LRRC4C: variants seen among roughly 807,000 people sequenced by gnomAD.
LRRC4C encodes leucine rich repeat containing 4C, also known as leucine-rich repeat-containing protein 4C.
LRRC4C carries 5 observed loss-of-function variants against 33.6 expected under a neutral mutation model. The observed-to-expected ratio is 0.15, with a 90% CI of 0.08 to 0.31. LRRC4C has a LOEUF of 0.31. LRRC4C is among the 10% of genes least tolerant of loss of function. The pLI is 1.00. For synonymous variants in LRRC4C, 329 were observed against 302.0 expected (o/e 1.09, Z -0.93); for missense variants, 560 against 796.7 (o/e 0.70, Z 3.58).
intron 1 of LRRC4C, among the ~76,000 whole-genome samples, chr11:41,428,883 A>T (rs1165182615): frequency 2.0e-5 from 3 of 152,182 alleles, no homozygotes; most frequent in African/African-American, 7.2e-5. Flanking sequence ...TATGTGACTA[A>T]GCAAAGATCA....
chr11:41,357,752 AG>A (rs1318069468), intron 1 of LRRC4C, among the ~76,000 whole-genome samples: 1 of 152,152 alleles, frequency 6.6e-6, no homozygotes, highest in East Asian at 1.9e-4. Flanking sequence ...ATAACTTTAT[AG>A]TTATTCCAAT....
intron 5 of LRRC4C, among the ~76,000 whole-genome samples, chr11:40,213,006 A>T (rs1475310059): frequency 6.6e-6 from 1 of 152,168 alleles, no homozygotes; most frequent in Non-Finnish European, 1.5e-5. Flanking sequence ...GTATAGGCCA[A>T]ACATCTCAGA....
chr11:40,891,198 C>T (rs914693439), intron 2 of LRRC4C, among the ~76,000 whole-genome samples: 13 of 152,050 alleles, frequency 8.5e-5, no homozygotes, highest in African/African-American at 2.9e-4. Context: ...GATCGCGCCC[C>T]TGCACTCCAG....
chr11:40,830,609 A>G (rs1184946955), intron 2 of LRRC4C, among the ~76,000 whole-genome samples: 1 of 152,108 alleles, frequency 6.6e-6, no homozygotes, highest in African/African-American at 2.4e-5. Flanking sequence ...AAAATAAAGG[A>G]GAGGCATGTT....
chr11:41,403,123 A>C (rs1423640845), intron 1 of LRRC4C, among the ~76,000 whole-genome samples: 2 of 152,092 alleles, frequency 1.3e-5, no homozygotes, highest in Non-Finnish European at 2.9e-5. Context: ...CACTTAAGCC[A>C]GATAATTGAG....
intron 3 of LRRC4C, among the ~76,000 whole-genome samples, chr11:40,485,172 T>A (rs903873801): frequency 4.6e-5 from 7 of 151,916 alleles, no homozygotes; most frequent in African/African-American, 1.7e-4. Flanking sequence ...ACTGGCCAAA[T>A]TTGATATAAT....
At chr11:41,295,454 C>T (rs1033317519) in intron 1 of LRRC4C, among the ~76,000 whole-genome samples, 6 of 152,150 alleles carry the variant, frequency 3.9e-5, no homozygotes, top group African/African-American at 1.4e-4. Flanking sequence ...GCTGGGATTA[C>T]AGTTGTGTTA....
intron 5 of LRRC4C, among the ~76,000 whole-genome samples, chr11:40,227,917 G>T (rs61911834): frequency 0.071 from 10,866 of 152,200 alleles, 556 homozygotes; most frequent in Middle Eastern, 0.14. Context: ...TGAAGAGAAT[G>T]ATGAGTCATA....
intron 3 of LRRC4C, among the ~76,000 whole-genome samples, chr11:40,512,632 C>T (rs1294253405): frequency 1.3e-5 from 2 of 152,136 alleles, no homozygotes; most frequent in Non-Finnish European, 2.9e-5. Context: ...AGAGCATCTC[C>T]TCTCCATATG....
intron 1 of LRRC4C, among the ~76,000 whole-genome samples, chr11:41,328,194 C>A (rs1951182308): frequency 6.6e-6 from 1 of 152,084 alleles, no homozygotes; most frequent in Middle Eastern, 3.2e-3. Flanking sequence ...TTCTTGTTAT[C>A]CCTCCAAGTA....
chr11:41,150,796 TAAAATA>T (rs1943959568), intron 1 of LRRC4C, among the ~76,000 whole-genome samples: 2 of 1,952 alleles, frequency 1.0e-3, no homozygotes, highest in Admixed American at 0.036. Context: ...ATAAATAAAA[TAAAATA>T]AAATAAAATA....
At chr11:40,352,260 G>C (rs1947445995) in intron 3 of LRRC4C, among the ~76,000 whole-genome samples, 1 of 149,112 alleles carries the variant, frequency 6.7e-6, no homozygotes, top group African/African-American at 2.5e-5. Flanking sequence ...ATCTGTTGTA[G>C]GTTTTTTAAA....
intron 2 of LRRC4C, among the ~76,000 whole-genome samples, chr11:40,700,163 C>T (rs1194388210): frequency 6.6e-6 from 1 of 152,066 alleles, no homozygotes; most frequent in African/African-American, 2.4e-5. Flanking sequence ...ACAGCTGTGT[C>T]TAACGCCAAA....
chr11:40,546,550 T>G (rs1438201557), intron 3 of LRRC4C, among the ~76,000 whole-genome samples: 1 of 152,018 alleles, frequency 6.6e-6, no homozygotes, highest in Non-Finnish European at 1.5e-5. Flanking sequence ...TGCCATTGAT[T>G]TTCAATTTTG....
At chr11:40,202,720 C>G (rs1422909396) in intron 5 of LRRC4C, among the ~76,000 whole-genome samples, 3 of 152,102 alleles carry the variant, frequency 2.0e-5, no homozygotes, top group Non-Finnish European at 4.4e-5. Flanking sequence ...GGAGCAATCT[C>G]AAACCAGCCT....
At position 40,186,801 on chromosome 11, in the gene LRRC4C, G is replaced by T. The variant is rs549711631; in HGVS notation, c.-95-45948C>A. ...TCTCTCTGACATTTCTGCAGTTACC[G>T]GCTCAATAAGGAAGAGATGCTGATG... On this transcript the variant is annotated intron_variant, in intron 5 of 6. Transcript: ENST00000528697. Among the ~76,000 whole-genome samples, 5 of 152,280 alleles carry T rather than the reference G, an allele frequency of 3.3e-5. 1 individual carries two copies. In the South Asian group the frequency reaches 8.3e-4, roughly 25 times the overall value.
chr11:40,839,092 C>T (rs79986255), intron 2 of LRRC4C, among the ~76,000 whole-genome samples: 3,250 of 152,110 alleles, frequency 0.021, 119 homozygotes, highest in African/African-American at 0.075. Context: ...TTTATATTTT[C>T]CTGTTGTATA....
rs191971896 is a variant in LRRC4C at position 41,192,306 on chromosome 11, A to C, written c.-495-258583T>G. ...TGTCAGAACTGGAATATTGTCTGGC[A>C]TACAGCATGAATTAAATGTGTGTGT... On this transcript the variant is annotated intron_variant, in intron 1 of 6. Coordinates refer to ENST00000528697, the MANE Select transcript of LRRC4C (RefSeq NM_001258419.2). Among the ~76,000 whole-genome samples, 717 of 146,036 alleles carry C rather than the reference A, an allele frequency of 4.9e-3. 4 individuals carry two copies. Among genetic ancestry groups the C allele is most frequent in the African/African-American group, 0.017 (679 of 39,994 alleles).
chr11:40,210,738 C>T (rs930769626), intron 5 of LRRC4C, among the ~76,000 whole-genome samples: 6 of 152,070 alleles, frequency 3.9e-5, no homozygotes, highest in South Asian at 2.1e-4. Context: ...CTCTCTCACT[C>T]GGAATGTCTA....
Sources: gnomAD v4.1 joint callset for allele counts (sites outside exome capture counted in the v4.1 genomes callset) on GRCh38, gnomAD v4.1.1 for gene constraint, MANE v1.5 for transcripts, NCBI Gene and HGNC (gene_info 2026-07-23, HGNC 2026-07-21) for gene names.